MCF2L2: variants seen among roughly 807,000 people sequenced by gnomAD.
MCF2L2 encodes probable guanine nucleotide exchange factor MCF2L2.
Under a neutral mutation model 150.2 loss-of-function variants are expected in MCF2L2, and 102 were observed. The observed-to-expected ratio is 0.68, with a 90% CI of 0.58 to 0.80. The LOEUF is 0.80. Ranked by LOEUF, MCF2L2 falls within the 30% of genes least tolerant of loss-of-function variation. The pLI is 0.00. For missense variants in MCF2L2, 1,256 were observed against 1,372.8 expected (o/e 0.91, Z 1.34); for synonymous variants, 465 against 491.3 (o/e 0.95, Z 0.71).
intron 3 of MCF2L2, among the ~76,000 whole-genome samples, chr3:183,350,013 A>C (rs1731049866): frequency 6.6e-6 from 1 of 152,186 alleles, no homozygotes; most frequent in Non-Finnish European, 1.5e-5. Context: ...TTCACCTATG[A>C]AATAAGCAGC....
chr3:183,218,958 G>A (rs1028208995), intron 21 of MCF2L2, among the ~76,000 whole-genome samples: 12 of 152,190 alleles, frequency 7.9e-5, no homozygotes, highest in Non-Finnish European at 1.8e-4. Flanking sequence ...AGCAGAAAGG[G>A]CATGCAAATG....
At chr3:183,332,925 A>G (rs1730326857) in intron 5 of MCF2L2, among the ~76,000 whole-genome samples, 1 of 152,256 alleles carries the variant, frequency 6.6e-6, no homozygotes, top group Non-Finnish European at 1.5e-5. Context: ...GATTATTAAT[A>G]CAGGATGGAA....
chr3:183,326,700 T>C (rs1730056525), intron 5 of MCF2L2, among the ~76,000 whole-genome samples: 1 of 37,878 alleles, frequency 2.6e-5, no homozygotes, highest in African/African-American at 1.4e-4. Context: ...GAATTTGATA[T>C]GCTTATAATG....
intron 15 of MCF2L2, chr3:183,272,796 C>T: frequency 2.6e-6 from 3 of 1,159,820 alleles, no homozygotes; most frequent in Non-Finnish European, 3.2e-6. Context: ...CCCTGTGTAT[C>T]TATACTTGGA....
In MCF2L2 at chr3:183,338,797, T is replaced by C; in HGVS notation, c.486+3A>G. 1 of 1,596,594 alleles carries C rather than the reference T, an allele frequency of 6.3e-7. No homozygotes were observed. The highest frequency in any genetic ancestry group is 1.3e-5 in the African/African-American group (1 of 74,776). ...ATGAGACAAGATGAAAGGTCTTGCT[T>C]ACCGGCACTTTCGTTTTAAACTCAT... On this transcript the variant is annotated splice_donor_region_variant and intron_variant, in intron 5 of 29. Coordinates refer to ENST00000328913, the MANE Select transcript of MCF2L2 (RefSeq NM_015078.4).
intron 15 of MCF2L2, 192 bp from the exon 16 acceptor site, chr3:183,231,209 C>G: frequency 1.5e-6 from 1 of 676,530 alleles, no homozygotes; most frequent in South Asian, 1.5e-5. Context: ...ACACTGTGAT[C>G]ACACTGGTAT....
intron 15 of MCF2L2, chr3:183,276,644 GTA>G: frequency 2.3e-6 from 1 of 433,962 alleles, no homozygotes; most frequent in Non-Finnish European, 4.1e-6. Context: ...TTAAAACACT[GTA>G]TTCTTAGAAG....
chr3:183,227,908 A>C lies in MCF2L2; in HGVS notation c.2115+389T>G, dbSNP rs1723404267. The C allele has an allele frequency of 5.8e-6, 1 of 173,024 alleles. No individual in the cohort carries two copies. Among genetic ancestry groups the C allele is most frequent in the Admixed American group, 5.8e-5 (1 of 17,350 alleles). The allele number at this position is 173,024 out of a possible 1,614,324, so 10.7% of individuals were successfully genotyped here. ...TACATCTCCAGGACTTACTCATCTCATAACTGCAAGTTTGTACCCTGTGAC... is the reference window on the plus strand; with the variant it reads ...TACATCTCCAGGACTTACTCATCTCCTAACTGCAAGTTTGTACCCTGTGAC... On this transcript the variant is annotated intron_variant, in intron 18 of 29. Transcript: ENST00000328913. This position sits in a 1 kb window ranked among gnomAD's most constrained non-coding sequence, Gnocchi z 4.0.
Position 183,297,021 on chromosome 3 carries a change from C to A in MCF2L2, c.1452G>T (p.Lys484Asn). Residue 484 changes from lysine to asparagine, a missense_variant, in exon 12 of 30, where the codon AAG becomes AAT. By Grantham distance (94) the Lys-to-Asn change is moderately conservative (BLOSUM62 0). Transcript: ENST00000328913. ...TVKEYPLLSP[K>N]EFYNEFELLL... ...GCAACTCAAACTCGTTGTAAAACTC[C>A]TTGGGGCTGAGCAACGGGTACTCCT... 6.2e-7 allele frequency: 1 copy of A among 1,614,088 alleles called. No individual in the cohort carries two copies. The highest frequency in any genetic ancestry group is 8.5e-7 in the Non-Finnish European group (1 of 1,180,014).
rs1215438371 is a variant in MCF2L2, at chr3:183,370,857, T to C, written c.275+8440A>G. Reference sequence around the variant, plus strand: ...AGTGCCTTCTGATTTCAGGCCTCAGTTGGGTGCCCAAAATCTAGCCTCTCT... The same window carrying C: ...AGTGCCTTCTGATTTCAGGCCTCAGCTGGGTGCCCAAAATCTAGCCTCTCT... On this transcript the variant is annotated intron_variant, in intron 3 of 29. Coordinates refer to ENST00000328913, the MANE Select transcript of MCF2L2 (RefSeq NM_015078.4). 2.6e-5 allele frequency among the ~76,000 whole-genome samples: 4 copies of C among 152,340 alleles called. No individual in the cohort carries two copies. In the East Asian group the frequency reaches 7.7e-4, roughly 29 times the overall value.
At chr3:183,257,090 C>G (rs1725109488) in intron 15 of MCF2L2, among the ~76,000 whole-genome samples, 1 of 152,052 alleles carries the variant, frequency 6.6e-6, no homozygotes, top group African/African-American at 2.4e-5. Flanking sequence ...CATTAACTAA[C>G]CCATCCTGGT....
At chr3:183,211,521 C>T (rs1263898427) in intron 22 of MCF2L2, among the ~76,000 whole-genome samples, 1 of 152,228 alleles carries the variant, frequency 6.6e-6, no homozygotes, top group Admixed American at 6.5e-5. Flanking sequence ...CTACACGGTG[C>T]TGACCAAGGG....
chr3:183,326,935 T>C (rs1482297728), intron 5 of MCF2L2, among the ~76,000 whole-genome samples: 1 of 152,182 alleles, frequency 6.6e-6, no homozygotes, highest in Non-Finnish European at 1.5e-5. Context: ...TTTAAACAAA[T>C]GGTGCTGAAA....
intron 10 of MCF2L2, among the ~76,000 whole-genome samples, chr3:183,301,605 G>A (rs909782079): frequency 2.0e-5 from 3 of 152,028 alleles, no homozygotes; most frequent in Non-Finnish European, 2.9e-5. Context: ...GACCAGCCTC[G>A]GCAACACAGG....
chr3:183,328,520 G>GAAAA (rs80324258), intron 5 of MCF2L2, among the ~76,000 whole-genome samples: 2 of 136,204 alleles, frequency 1.5e-5, no homozygotes, highest in South Asian at 4.7e-4. Flanking sequence ...TGCTTGGTGT[G>GAAAA]AAAAAAAAAA....
chr3:183,274,672 T>C (rs139111344), intron 15 of MCF2L2, among the ~76,000 whole-genome samples: 239 of 152,344 alleles, frequency 1.6e-3, no homozygotes, highest in Admixed American at 4.2e-3. Flanking sequence ...ATTTGGGGAC[T>C]TTAATTGGAT....
intron 14 of MCF2L2, among the ~76,000 whole-genome samples, chr3:183,284,339 C>A (rs778018061): frequency 2.6e-5 from 4 of 152,178 alleles, no homozygotes; most frequent in Non-Finnish European, 4.4e-5. Context: ...ATAAATGTAA[C>A]CTCTAGGACA....
intron 25 of MCF2L2, among the ~76,000 whole-genome samples, chr3:183,198,445 G>A (rs71314291): frequency 6.6e-6 from 1 of 152,180 alleles, no homozygotes; most frequent in Non-Finnish European, 1.5e-5. Flanking sequence ...AGGGGCAGGA[G>A]AAAGGGAATG....
Position 183,267,811 on chromosome 3 carries a change from C to T in MCF2L2, c.1862+9061G>A, listed in dbSNP as rs1297715703. ...AAGCAGCCATGGCATGGACCTCATC[C>T]GAGGTGGCACCTGGCTAGGGTCCTG... is the stretch of plus-strand genomic sequence containing the variant. On this transcript the variant is annotated intron_variant, in intron 15 of 29. Coordinates refer to ENST00000328913, the MANE Select transcript of MCF2L2 (RefSeq NM_015078.4). This position sits in a 1 kb window ranked among gnomAD's most constrained non-coding sequence, Gnocchi z 5.5. Among the ~76,000 whole-genome samples the T allele has an allele frequency of 2.0e-5, 3 of 152,158 alleles. No homozygotes were observed. Among genetic ancestry groups the T allele is most frequent in the East Asian group, 1.9e-4 (1 of 5,182 alleles).
Sources: gnomAD v4.1 joint callset for allele counts (sites outside exome capture counted in the v4.1 genomes callset) on GRCh38, gnomAD v4.1.1 for gene constraint, Gnocchi (gnomAD v3.1) non-coding constraint, MANE v1.5 for transcripts, NCBI Gene and HGNC (gene_info 2026-07-23, HGNC 2026-07-21) for gene names.